The following EML4 variants were observed in gnomAD, a reference collection of about 807,000 sequenced individuals.
The protein encoded by EML4 is echinoderm microtubule-associated protein-like 4.
EML4 carries 72 observed loss-of-function variants against 129.0 expected under a neutral mutation model. The ratio of observed to expected loss-of-function variants is 0.56; its 90% CI spans 0.46 to 0.68. EML4 has a LOEUF of 0.68. Ranked by LOEUF, EML4 falls within the 30% of genes least tolerant of loss-of-function variation. The pLI is 0.00. For synonymous variants in EML4, 532 were observed against 405.0 expected (o/e 1.31, Z -3.77); for missense variants, 1,363 against 1,190.6 (o/e 1.14, Z -2.13).
chr2:42,301,494 C>A, intron 14 of EML4, 102 bp downstream of exon 14: 2 of 921,514 alleles, frequency 2.2e-6, no homozygotes, highest in Non-Finnish European at 3.0e-6. Context: ...TTATTAAATT[C>A]TTATAATTTC....
intron 17 of EML4, among the ~76,000 whole-genome samples, chr2:42,311,657 A>C (rs1248574408): frequency 6.6e-6 from 1 of 152,192 alleles, no homozygotes; most frequent in Non-Finnish European, 1.5e-5. Context: ...TTGGTGTGTC[A>C]GTTCAGTCTG....
At chr2:42,179,639 G>A (rs1479908831) in intron 1 of EML4, among the ~76,000 whole-genome samples, 1 of 152,162 alleles carries the variant, frequency 6.6e-6, no homozygotes, top group African/African-American at 2.4e-5. Flanking sequence ...GTCTCGCTCT[G>A]TCGCCCAGGC....
intron 1 of EML4, among the ~76,000 whole-genome samples, chr2:42,225,589 C>G (rs1191213636): frequency 6.6e-6 from 1 of 152,126 alleles, no homozygotes; most frequent in Non-Finnish European, 1.5e-5. Context: ...TTCTGATGCT[C>G]TAAATCCAAC....
intron 13 of EML4, among the ~76,000 whole-genome samples, chr2:42,296,078 G>A (rs1404143118): frequency 6.6e-6 from 1 of 151,810 alleles, no homozygotes; most frequent in Admixed American, 6.6e-5. Flanking sequence ...CCTTTTCTAC[G>A]GTAAATGAAA....
At chr2:42,240,867 G>A (rs749227440) in intron 1 of EML4, among the ~76,000 whole-genome samples, 2 of 152,256 alleles carry the variant, frequency 1.3e-5, no homozygotes, top group African/African-American at 4.8e-5. Flanking sequence ...ATGGCCGGGC[G>A]TGGTGGCTCA....
intron 1 of EML4, among the ~76,000 whole-genome samples, chr2:42,245,274 T>G (rs912746843): frequency 5.9e-5 from 9 of 151,600 alleles, no homozygotes; most frequent in South Asian, 2.1e-4. Context: ...TTTTGTGGTG[T>G]TAGTAGAGAC....
intron 6 of EML4, among the ~76,000 whole-genome samples, chr2:42,271,692 T>G (rs1393259919): frequency 6.6e-6 from 1 of 151,754 alleles, no homozygotes; most frequent in Non-Finnish European, 1.5e-5. Flanking sequence ...ATTACGCGTA[T>G]TTTTGCTATA....
chr2:42,301,387 A>G lies in EML4; in HGVS notation c.1636A>G (p.Ile546Val), dbSNP rs1379885600. The change falls in exon 14 of 23, where the codon ATA (isoleucine) becomes GTA (valine). Residue 546 changes from isoleucine (I) to valine (V), a missense_variant. Ile to Val is a conservative substitution (Grantham distance 29, BLOSUM62 3). Transcript: ENST00000318522. ...WDHDLNPERE[I>V]EVPDQYGTIR... ...TCATGATCTGAATCCTGAAAGAGAA[A>G]TAGAGGTAAGGATGGAAACGGAATA... 2 of 1,610,722 alleles carry G rather than the reference A, an allele frequency of 1.2e-6. No homozygotes were observed. The highest frequency in any genetic ancestry group is 1.1e-5 in the South Asian group (1 of 90,412).
intron 1 of EML4, among the ~76,000 whole-genome samples, chr2:42,197,340 A>G (rs2103939544): frequency 6.6e-6 from 1 of 152,266 alleles, no homozygotes; most frequent in Middle Eastern, 3.4e-3. Flanking sequence ...CTGGGTTTAC[A>G]CGCATGAGCC....
chr2:42,278,833 G>T (rs573632098), intron 6 of EML4, among the ~76,000 whole-genome samples: 7 of 152,084 alleles, frequency 4.6e-5, no homozygotes, highest in Non-Finnish European at 1.0e-4. Context: ...CTACTCGGGA[G>T]GCTGAGGCAG....
chr2:42,274,856 C>G (rs1281648771), intron 6 of EML4, among the ~76,000 whole-genome samples: 1 of 152,144 alleles, frequency 6.6e-6, no homozygotes, highest in Non-Finnish European at 1.5e-5. Context: ...GGGTGAAGGA[C>G]ACAGAAGGGA....
At chr2:42,213,649 G>A (rs963843205) in intron 1 of EML4, among the ~76,000 whole-genome samples, 1 of 151,792 alleles carries the variant, frequency 6.6e-6, no homozygotes, top group African/African-American at 2.4e-5. Flanking sequence ...TTTCTTTTTC[G>A]CAGCAGCGAT....
intron 6 of EML4, among the ~76,000 whole-genome samples, chr2:42,274,509 A>G (rs1427706839): frequency 3.3e-5 from 5 of 152,186 alleles, no homozygotes; most frequent in Admixed American, 6.5e-5. Context: ...GGAGCAACTG[A>G]TCTTGGAATG....
At chr2:42,260,999 G>T in intron 3 of EML4, 122 bp from the exon 4 acceptor site, 1 of 690,308 alleles carries the variant, frequency 1.4e-6, no homozygotes, top group Non-Finnish European at 2.4e-6. Context: ...AATGAAAACA[G>T]TGCAAATTGT....
At chr2:42,186,244 T>TA (rs1671242829) in intron 1 of EML4, among the ~76,000 whole-genome samples, 1 of 152,206 alleles carries the variant, frequency 6.6e-6, no homozygotes, top group Non-Finnish European at 1.5e-5. Flanking sequence ...CGAACTACGT[T>TA]ACTATGCACT....
intron 17 of EML4, among the ~76,000 whole-genome samples, chr2:42,314,118 G>A (rs1459260047): frequency 6.6e-6 from 1 of 152,088 alleles, no homozygotes; most frequent in African/African-American, 2.4e-5. Flanking sequence ...CAGCACTTTG[G>A]GAGCCTGAGG....
chr2:42,277,799 C>T (rs1414621235), intron 6 of EML4, among the ~76,000 whole-genome samples: 1 of 152,166 alleles, frequency 6.6e-6, no homozygotes, highest in Non-Finnish European at 1.5e-5. Context: ...AAACTCCTGA[C>T]CTCGTGATCT....
intron 17 of EML4, among the ~76,000 whole-genome samples, chr2:42,310,745 C>G (rs1668893279): frequency 6.6e-6 from 1 of 152,202 alleles, no homozygotes; most frequent in Non-Finnish European, 1.5e-5. Context: ...GGCTCAGGCC[C>G]AAGGCCCAGG....
At chr2:42,291,319 T>A (rs1667626318) in intron 11 of EML4, among the ~76,000 whole-genome samples, 2 of 151,998 alleles carry the variant, frequency 1.3e-5, no homozygotes, top group South Asian at 4.2e-4. Flanking sequence ...TATAAGTAGA[T>A]TTCTTAAGGC....
Sources: allele counts gnomAD v4.1 joint callset (sites outside exome capture counted in the v4.1 genomes callset), GRCh38; gene constraint gnomAD v4.1.1; transcripts MANE v1.5; gene names NCBI Gene and HGNC (gene_info 2026-07-23, HGNC 2026-07-21).